Variants in LHX8 observed in about 807,000 individuals in gnomAD.
LHX8 encodes the protein LIM homeobox 8, also known as LIM/homeobox protein Lhx8.
In LHX8, 12 loss-of-function variants were observed where a neutral mutation model predicts 40.3. The observed-to-expected ratio is 0.30, with a 90% CI of 0.19 to 0.48. The LOEUF (loss-of-function observed/expected upper bound fraction) is 0.48. Ranked by LOEUF, LHX8 falls within the 20% of genes least tolerant of loss-of-function variation. LHX8 has a pLI of 0.99. For missense variants in LHX8, 344 were observed against 433.7 expected, an observed-to-expected ratio of 0.79 and a Z score of 1.84; for synonymous variants, 179 against 162.0, an observed-to-expected ratio of 1.10 and a Z score of -0.80.
the LHX8 span, chr1:75,183,121 G>T: frequency 6.6e-6 from 1 of 152,190 alleles, no homozygotes; most frequent in African/African-American, 2.4e-5. Flanking sequence ...AGGATGATAT[G>T]CAATGTGTGG....
the LHX8 span, among the ~76,000 whole-genome samples, chr1:75,168,558 C>G: frequency 2.0e-5 from 3 of 152,264 alleles, no homozygotes; most frequent in East Asian, 5.8e-4. Flanking sequence ...CCTGGATAAT[C>G]TGCTGTCAAC....
At chr1:75,148,013 A>G (rs1028408970) in intron 6 of LHX8, among the ~76,000 whole-genome samples, 3 of 152,154 alleles carry the variant, frequency 2.0e-5, no homozygotes, top group African/African-American at 4.8e-5. Context: ...AAATATATAC[A>G]TGTTTAGACT....
At chr1:75,192,684 T>C in the LHX8 span, among the ~76,000 whole-genome samples, 92 of 148,086 alleles carry the variant, frequency 6.2e-4, 1 homozygote, top group South Asian at 0.012. Context: ...GTCCAGGCGC[T>C]ATGCTTTTGT....
intron 7 of LHX8, among the ~76,000 whole-genome samples, chr1:75,156,043 T>C (rs1648755055): frequency 6.6e-6 from 1 of 151,950 alleles, no homozygotes; most frequent in Non-Finnish European, 1.5e-5. Context: ...CTTTTTCTGC[T>C]TTTCCTTTTG....
the LHX8 span, among the ~76,000 whole-genome samples, chr1:75,195,563 A>C: frequency 6.6e-6 from 1 of 152,018 alleles, no homozygotes; most frequent in African/African-American, 2.4e-5. Flanking sequence ...CTTGGCTCAC[A>C]ACCTCTCTCT....
At chr1:75,172,051 G>A in the LHX8 span, among the ~76,000 whole-genome samples, 2 of 152,124 alleles carry the variant, frequency 1.3e-5, no homozygotes, top group African/African-American at 4.8e-5. Flanking sequence ...CTCATCCCTG[G>A]TTCTTGCCAA....
upstream of LHX8, among the ~76,000 whole-genome samples, chr1:75,129,475 C>T (rs537266283): frequency 1.4e-3 from 220 of 152,182 alleles, no homozygotes; most frequent in African/African-American, 5.1e-3. Flanking sequence ...ACGAGTTACA[C>T]CGGAGGTGGA....
chr1:75,189,133 T>C, the LHX8 span, among the ~76,000 whole-genome samples: 1 of 152,248 alleles, frequency 6.6e-6, no homozygotes, highest in East Asian at 1.9e-4. Flanking sequence ...GACAGTCATA[T>C]TGCTATTTCC....
At chr1:75,173,942 G>A in the LHX8 span, among the ~76,000 whole-genome samples, 2 of 151,808 alleles carry the variant, frequency 1.3e-5, no homozygotes, top group South Asian at 2.1e-4. Context: ...TCCAAAATCC[G>A]AAACATTTTT....
At chr1:75,165,179 G>C (rs1649005701), downstream of LHX8, among the ~76,000 whole-genome samples, 1 of 152,076 alleles carries the variant, frequency 6.6e-6, no homozygotes, top group African/African-American at 2.4e-5. Flanking sequence ...GCTGATTATG[G>C]TGATAACTTT....
At chr1:75,139,877 T>C (rs1399456709) in intron 3 of LHX8, among the ~76,000 whole-genome samples, 3 of 152,214 alleles carry the variant, frequency 2.0e-5, no homozygotes, top group Non-Finnish European at 2.9e-5. Context: ...ACATAGTCTT[T>C]ATTATGGAAT....
In LHX8 at chr1:75,148,614, A is replaced by G. The variant is rs1025083539; in HGVS notation, c.712A>G (p.Asn238Asp). 2 of 1,614,056 alleles carry G rather than the reference A, an allele frequency of 1.2e-6. No individual in the cohort carries two copies. The highest frequency in any genetic ancestry group is 1.7e-6 in the Non-Finnish European group (2 of 1,179,948). ...QVMQAQFAQD[N>D]NPDAQTLQKL... Reference sequence around the variant, plus strand: ...TATGCAAGCACAATTTGCTCAGGACAACAACCCAGATGCACAGACACTCCA... The same window carrying G: ...TATGCAAGCACAATTTGCTCAGGACGACAACCCAGATGCACAGACACTCCA... Residue 238 changes from asparagine to aspartate, a missense_variant, in exon 7 of 9, where the codon AAC (asparagine) becomes GAC (aspartate). By Grantham distance (23) the Asn-to-Asp change is conservative. This residue lies in a region of LHX8 where 147 missense variants were observed against 250.8 expected (regional missense o/e 0.59). Coordinates refer to ENST00000356261, the MANE Select transcript of LHX8 (RefSeq NM_001256114.2).
chr1:75,186,543 C>A, the LHX8 span, among the ~76,000 whole-genome samples: 1 of 152,174 alleles, frequency 6.6e-6, no homozygotes, highest in African/African-American at 2.4e-5. Flanking sequence ...TGATAAAAGG[C>A]TGCAAGGAAA....
At chr1:75,166,975 T>G in the LHX8 span, among the ~76,000 whole-genome samples, 1 of 152,326 alleles carries the variant, frequency 6.6e-6, no homozygotes, top group East Asian at 1.9e-4. Flanking sequence ...GAAGTGGAGC[T>G]GAGCTGGCAC....
rs1195357256 is a variant in LHX8, at chr1:75,136,585, C to G, written c.-12-18C>G. ...TCTGATCTGTTTCTCCATACTTTCT[C>G]CCCCTCCTACTCCGCAGTGTCAGGG... On this transcript the variant is annotated intron_variant, in intron 1 of 8. Transcript: ENST00000356261. The G allele has an allele frequency of 1.3e-6, 2 of 1,525,590 alleles. No homozygotes were observed. The highest frequency in any genetic ancestry group is 8.9e-7 in the Non-Finnish European group (1 of 1,124,312). 94.5% of individuals were successfully genotyped at this position (1,525,590 alleles called of 1,614,324 possible).
intron 1 of LHX8, among the ~76,000 whole-genome samples, chr1:75,135,812 A>C (rs923039487): frequency 6.6e-6 from 1 of 152,218 alleles, no homozygotes; most frequent in Non-Finnish European, 1.5e-5. Context: ...ATTTTCCATT[A>C]TTCTACCCGC....
chr1:75,197,335 A>G, the LHX8 span, among the ~76,000 whole-genome samples: 2 of 152,136 alleles, frequency 1.3e-5, no homozygotes, highest in African/African-American at 2.4e-5. Context: ...ATATATCCTG[A>G]TGCTCCAAGA....
chr1:75,131,083 G>C, upstream of LHX8: 3 of 391,130 alleles, frequency 7.7e-6, no homozygotes, highest in South Asian at 4.8e-5. Context: ...CGCAAGAGCA[G>C]GGCTCTGTTT....
At chr1:75,130,597 G>A, upstream of LHX8, 1 of 953,684 alleles carries the variant, frequency 1.0e-6, no homozygotes, top group Non-Finnish European at 1.7e-6. Context: ...CCACTGGCGT[G>A]AATAAAAGCA....
Sources: gnomAD v4.1 joint callset for allele counts (sites outside exome capture counted in the v4.1 genomes callset) on GRCh38, gnomAD v4.1.1 for gene constraint, gnomAD v4.1.1 regional missense constraint, MANE v1.5 for transcripts, NCBI Gene and HGNC (gene_info 2026-07-23, HGNC 2026-07-21) for gene names.